The following ST7L variants were observed in gnomAD, a reference collection of about 807,000 sequenced individuals.
The protein encoded by ST7L is suppressor of tumorigenicity 7 protein-like.
In ST7L, 57 loss-of-function variants were observed where a neutral mutation model predicts 72.5. The ratio of observed to expected loss-of-function variants is 0.79; its 90% CI spans 0.64 to 0.98. ST7L has a LOEUF of 0.98. ST7L is among the 50% of genes least tolerant of loss of function. The probability of loss-of-function intolerance (pLI) is 0.00; values close to 1 mark genes in which losing one functional copy is unlikely to be tolerated. For synonymous variants in ST7L, 221 were observed against 240.9 expected, an observed-to-expected ratio of 0.92 and a Z score of 0.77; for missense variants, 576 against 672.2, an observed-to-expected ratio of 0.86 and a Z score of 1.58.
At chr1:112,537,610 T>G (rs1303387328) in intron 14 of ST7L, among the ~76,000 whole-genome samples, 7 of 152,214 alleles carry the variant, frequency 4.6e-5, no homozygotes, top group Non-Finnish European at 1.0e-4. Context: ...TACTTTGAAC[T>G]CTCATATTTA....
At position 112,542,197 on chromosome 1, in the gene ST7L, T is replaced by A. The variant is rs956058026; in HGVS notation, c.1490-107A>T. On this transcript the variant is annotated intron_variant, in intron 13 of 14. Coordinates refer to ENST00000358039, the MANE Select transcript of ST7L (RefSeq NM_017744.5). The stretch of plus-strand genomic sequence containing the variant: ...TTTTAAAAATTAAAAAGAAAAAAAA[T>A]TTAAAAAGGAAAGTCTCTGGCTAAG... 46 of 1,178,038 alleles carry A rather than the reference T, an allele frequency of 3.9e-5. No homozygotes were observed. The Middle Eastern group carries it at 8.2e-4, about 21-fold the overall frequency. 73.0% of individuals were successfully genotyped at this position (1,178,038 alleles called of 1,614,324 possible).
At chr1:112,587,265 GAA>G (rs1665005753) in intron 6 of ST7L, among the ~76,000 whole-genome samples, 2 of 152,136 alleles carry the variant, frequency 1.3e-5, no homozygotes, top group Admixed American at 6.5e-5. Flanking sequence ...CATCATTGTT[GAA>G]AAGACTATTC....
intron 11 of ST7L, among the ~76,000 whole-genome samples, chr1:112,560,904 A>G (rs1365155379): frequency 1.3e-5 from 2 of 151,854 alleles, no homozygotes; most frequent in African/African-American, 4.8e-5. Flanking sequence ...CAGGGGTTGC[A>G]GTAAGCCGAG....
chr1:112,553,089 T>A (rs1246474830), intron 12 of ST7L, among the ~76,000 whole-genome samples: 1 of 151,600 alleles, frequency 6.6e-6, no homozygotes, highest in East Asian at 1.9e-4. Flanking sequence ...AGTATAGACT[T>A]AAAAAAAACA....
At chr1:112,569,529 G>A (rs989940912) in intron 11 of ST7L, among the ~76,000 whole-genome samples, 2 of 152,218 alleles carry the variant, frequency 1.3e-5, no homozygotes, top group African/African-American at 2.4e-5. Context: ...TGAGGGACTG[G>A]GGGGTGACTA....
chr1:112,557,441 A>G (rs886192548), intron 11 of ST7L, among the ~76,000 whole-genome samples: 4 of 152,240 alleles, frequency 2.6e-5, no homozygotes, highest in Non-Finnish European at 5.9e-5. Flanking sequence ...TTATGGCTGA[A>G]TAATACTGCA....
At chr1:112,574,392 G>C (rs936323456) in intron 11 of ST7L, among the ~76,000 whole-genome samples, 1 of 151,658 alleles carries the variant, frequency 6.6e-6, no homozygotes, top group African/African-American at 2.4e-5. Flanking sequence ...AGACGCACTG[G>C]CTCACGCCTG....
intron 3 of ST7L, among the ~76,000 whole-genome samples, chr1:112,605,245 T>G (rs1210413649): frequency 1.3e-5 from 2 of 150,906 alleles, no homozygotes; most frequent in Non-Finnish European, 2.9e-5. Context: ...ACAAAAAAAT[T>G]AGCTGGGTGC....
chr1:112,556,898 G>A (rs1570996622), intron 11 of ST7L, among the ~76,000 whole-genome samples: 1 of 146,558 alleles, frequency 6.8e-6, no homozygotes. Context: ...AACCCGGGAG[G>A]CGGAGGTTGC....
chr1:112,535,522 G>C (rs1655052908), intron 14 of ST7L, among the ~76,000 whole-genome samples: 2 of 152,032 alleles, frequency 1.3e-5, no homozygotes, highest in Non-Finnish European at 2.9e-5. Context: ...TTGAGCTCAG[G>C]AGTTGGAGAC....
chr1:112,600,963 A>C (rs1571253906), intron 3 of ST7L, 115 bp from the exon 4 acceptor site: 1 of 775,226 alleles, frequency 1.3e-6, no homozygotes, highest in Non-Finnish European at 2.1e-6. Flanking sequence ...AGATGGTACA[A>C]AGATGAATAA....
intron 3 of ST7L, among the ~76,000 whole-genome samples, chr1:112,605,962 A>G (rs1291534098): frequency 6.6e-5 from 10 of 152,222 alleles, no homozygotes; most frequent in Admixed American, 5.9e-4. Context: ...CATGTTGACA[A>G]TTGAACAGCT....
intron 11 of ST7L, among the ~76,000 whole-genome samples, chr1:112,559,871 C>G (rs1210866057): frequency 6.6e-6 from 1 of 151,470 alleles, no homozygotes; most frequent in Non-Finnish European, 1.5e-5. Context: ...CCCAGCTACT[C>G]GGGAGGCTGA....
chr1:112,605,088 C>CAAAAAAAAAAAA (rs35373735), intron 3 of ST7L, among the ~76,000 whole-genome samples: 1 of 61,312 alleles, frequency 1.6e-5, no homozygotes, highest in African/African-American at 6.0e-5. Flanking sequence ...ACTCCGGCTC[C>CAAAAAAAAAAAA]AAAAAAAAAA....
intron 5 of ST7L, among the ~76,000 whole-genome samples, chr1:112,593,575 G>A (rs185769134): frequency 6.6e-6 from 1 of 152,232 alleles, no homozygotes; most frequent in African/African-American, 2.4e-5. Flanking sequence ...GTCTCAAAGG[G>A]AGAGCCACAA....
intron 13 of ST7L, 78 bp from the exon 14 acceptor site, chr1:112,542,168 CTG>C (rs2101398841): frequency 1.8e-5 from 24 of 1,370,136 alleles, no homozygotes; most frequent in Non-Finnish European, 2.3e-5. Context: ...CAAATGAAAT[CTG>C]TTTTTAAAAA....
At chr1:112,581,647 C>A (rs952434981) in intron 9 of ST7L, among the ~76,000 whole-genome samples, 2 of 152,072 alleles carry the variant, frequency 1.3e-5, no homozygotes, top group African/African-American at 4.8e-5. Context: ...TCAAGTGATC[C>A]TCCCACCTCA....
intron 5 of ST7L, among the ~76,000 whole-genome samples, chr1:112,594,877 A>C (rs1345348656): frequency 6.6e-6 from 1 of 152,230 alleles, no homozygotes; most frequent in Non-Finnish European, 1.5e-5. Context: ...TAATTAAAGC[A>C]TGTCATAACA....
chr1:112,577,690 C>A (rs1489026683), intron 10 of ST7L, among the ~76,000 whole-genome samples: 1 of 152,012 alleles, frequency 6.6e-6, no homozygotes, highest in Non-Finnish European at 1.5e-5. Context: ...GTAATAAATG[C>A]AACACAGTGA....
Sources: allele counts gnomAD v4.1 joint callset (sites outside exome capture counted in the v4.1 genomes callset), GRCh38; gene constraint gnomAD v4.1.1; transcripts MANE v1.5; gene names NCBI Gene and HGNC (gene_info 2026-07-23, HGNC 2026-07-21).